The following NDE1 variants were observed in gnomAD, a reference collection of about 807,000 sequenced individuals.
NDE1 encodes the protein nudE neurodevelopment protein 1.
In NDE1, 28 loss-of-function variants were observed where a neutral mutation model predicts 43.4. That is an observed-to-expected ratio of 0.65 (90% CI 0.48 to 0.89). NDE1 has a LOEUF of 0.89. NDE1 is among the 40% of genes least tolerant of loss of function. The pLI, the probability that NDE1 is intolerant of heterozygous loss-of-function variation, is 0.00. For synonymous variants in NDE1, 184 were observed against 172.0 expected (o/e 1.07, Z -0.55); for missense variants, 441 against 434.1 (o/e 1.02, Z -0.14).
chr16:15,718,277 A>G lies in NDE1; in HGVS notation c.948-5914A>G, dbSNP rs755569075. 6.9e-6 allele frequency: 11 copies of G among 1,605,506 alleles called. No homozygotes were observed. In the East Asian group the frequency reaches 1.6e-4, roughly 23 times the overall value. ...TGCAGGATCCTGCTGCAGGAGAGAC[A>G]GTAGGCAGCGTGACTGTGGTGTCCA... On this transcript the variant is annotated intron_variant, in intron 8 of 8. Coordinates refer to ENST00000396354, the MANE Select transcript of NDE1 (RefSeq NM_017668.3).
intron 8 of NDE1, chr16:15,718,070 A>G: frequency 1.7e-6 from 1 of 581,498 alleles, no homozygotes; most frequent in Non-Finnish European, 3.0e-6. Flanking sequence ...GCCGTGAGGT[A>G]CGGGGAGCCA....
chr16:15,711,620 T>TA (rs2151181996), intron 8 of NDE1, among the ~76,000 whole-genome samples: 1 of 152,204 alleles, frequency 6.6e-6, no homozygotes, highest in African/African-American at 2.4e-5. Flanking sequence ...GCTGTGGTGG[T>TA]ATGAGAATGA....
At position 15,696,836 on chromosome 16, in the gene NDE1, C is replaced by A. The variant is rs748157541; in HGVS notation, c.923C>A (p.Thr308Asn). The change falls in exon 8 of 9, where the codon ACC becomes AAC. Residue 308 changes from threonine to asparagine, a missense_variant. By Grantham distance (65) the Thr-to-Asn change is moderately conservative. Coordinates refer to ENST00000396354, the MANE Select transcript of NDE1 (RefSeq NM_017668.3). ...GGCGGGGAGAGACGGCCAAGCAGCA[C>A]CAGCGTGCCTTTGGGTGATAAGGGG... Reference protein sequence around the residue: ...RDGGERRPSSTSVPLGDKGLD... With the variant: ...RDGGERRPSSNSVPLGDKGLD... 6.2e-7 allele frequency: 1 copy of A among 1,614,178 alleles called. No individual in the cohort carries two copies. The highest frequency in any genetic ancestry group is 8.5e-7 in the Non-Finnish European group (1 of 1,180,026).
At chr16:15,715,159 G>A in intron 8 of NDE1, 1 of 1,613,304 alleles carries the variant, frequency 6.2e-7, no homozygotes, top group Non-Finnish European at 8.5e-7. Context: ...GGTGGCAGGG[G>A]CTACCTGCTC....
In NDE1 at chr16:15,693,994, C is replaced by T. The variant is rs533777342; in HGVS notation, c.704-171C>T. Among the ~76,000 whole-genome samples the T allele has an allele frequency of 1.4e-3, 213 of 152,270 alleles. 1 individual carries two copies. Among genetic ancestry groups the T allele is most frequent in the South Asian group, 2.5e-3 (12 of 4,830 alleles). On this transcript the variant is annotated intron_variant, in intron 6 of 8. Coordinates refer to ENST00000396354, the MANE Select transcript of NDE1 (RefSeq NM_017668.3). ...AGGACTTGAAAAATTGGTTGTCATA[C>T]GGGCCTTGGGTGTGTGATGCGGTTA...
intron 8 of NDE1, chr16:15,700,197 A>G: frequency 1.3e-6 from 1 of 792,282 alleles, no homozygotes; most frequent in South Asian, 4.7e-5. Flanking sequence ...CCTGGGTTCA[A>G]ACGGTTCTTG....
chr16:15,675,760 A>C (rs1351333231), intron 3 of NDE1, among the ~76,000 whole-genome samples: 1 of 152,122 alleles, frequency 6.6e-6, no homozygotes, highest in Non-Finnish European at 1.5e-5. Flanking sequence ...ATTTGGAAGC[A>C]GAGCCGGAAC....
At chr16:15,694,697 C>A in intron 7 of NDE1, 4 of 985,300 alleles carry the variant, frequency 4.1e-6, no homozygotes, top group Non-Finnish European at 4.8e-6. Flanking sequence ...CCTTTAGCAT[C>A]CCTGGGAATC....
At chr16:15,646,408 C>T (rs2036330227), upstream of NDE1, among the ~76,000 whole-genome samples, 1 of 151,954 alleles carries the variant, frequency 6.6e-6, no homozygotes, top group Non-Finnish European at 1.5e-5. Flanking sequence ...ATGGTGAAAC[C>T]CTGTGTCTAC....
intron 4 of NDE1, among the ~76,000 whole-genome samples, chr16:15,681,501 T>C (rs2038182775): frequency 6.6e-6 from 1 of 152,000 alleles, no homozygotes; most frequent in South Asian, 2.1e-4. Context: ...CTGGACTCGG[T>C]CTGTCCACCT....
At chr16:15,715,062 C>T in intron 8 of NDE1, 1 of 1,613,344 alleles carries the variant, frequency 6.2e-7, no homozygotes, top group Non-Finnish European at 8.5e-7. Context: ...CTGCTTGACC[C>T]TGGCATTGCC....
chr16:15,724,829 G>A lies in NDE1; in HGVS notation c.*578G>A. The stretch of plus-strand genomic sequence containing the variant: ...AAAAGGGATGCAAAGAGGTCCCAGG[G>A]ACCTGCCCCGAGGAAGGCCACCCCC... On this transcript the variant is annotated 3_prime_UTR_variant, in exon 9 of 9. Coordinates refer to ENST00000396354, the MANE Select transcript of NDE1 (RefSeq NM_017668.3). 6.2e-7 allele frequency: 1 copy of A among 1,613,630 alleles called. No homozygotes were observed. The highest frequency in any genetic ancestry group is 8.5e-7 in the Non-Finnish European group (1 of 1,179,980).
chr16:15,675,247 G>A (rs2037807939), intron 3 of NDE1, among the ~76,000 whole-genome samples: 1 of 151,460 alleles, frequency 6.6e-6, no homozygotes, highest in South Asian at 2.1e-4. Context: ...TGCCCAGGCT[G>A]GAGTGCAATG....
At chr16:15,679,922 G>A (rs2038088506) in intron 4 of NDE1, among the ~76,000 whole-genome samples, 1 of 152,104 alleles carries the variant, frequency 6.6e-6, no homozygotes, top group South Asian at 2.1e-4. Context: ...GGGATTACAG[G>A]TGTGTGTTAC....
chr16:15,701,979 A>AG (rs1226025702), intron 8 of NDE1: 1 of 152,254 alleles, frequency 6.6e-6, no homozygotes, highest in Non-Finnish European at 1.5e-5. Flanking sequence ...GTTTTCCCAC[A>AG]GAGTGGTGAA....
intron 8 of NDE1, among the ~76,000 whole-genome samples, chr16:15,710,835 G>T (rs192617328): frequency 6.6e-6 from 1 of 151,992 alleles, no homozygotes; most frequent in Non-Finnish European, 1.5e-5. Context: ...CTGCCACCAC[G>T]CCTAGCTGAT....
chr16:15,717,616 G>T, intron 8 of NDE1: 1 of 570,882 alleles, frequency 1.8e-6, no homozygotes, highest in Non-Finnish European at 3.1e-6. Context: ...CCAACATGGT[G>T]AAACCCCGTC....
intron 8 of NDE1, chr16:15,714,821 G>A: frequency 6.7e-7 from 1 of 1,500,930 alleles, no homozygotes; most frequent in Non-Finnish European, 9.2e-7. Flanking sequence ...TGGGCACAAG[G>A]GGCATTTGCA....
At chr16:15,704,625 G>C (rs772777571) in intron 8 of NDE1, among the ~76,000 whole-genome samples, 26 of 152,162 alleles carry the variant, frequency 1.7e-4, no homozygotes, top group Non-Finnish European at 2.9e-4. Context: ...ATTGGAAGAA[G>C]GTGAAATGGA....
Sources: allele counts gnomAD v4.1 joint callset (sites outside exome capture counted in the v4.1 genomes callset), GRCh38; gene constraint gnomAD v4.1.1; transcripts MANE v1.5; gene names NCBI Gene and HGNC (gene_info 2026-07-23, HGNC 2026-07-21).